SYNPR: variants seen among roughly 807,000 people sequenced by gnomAD.
SYNPR encodes synaptoporin.
Under a neutral mutation model 32.9 loss-of-function variants are expected in SYNPR, and 23 were observed. The ratio of observed to expected loss-of-function variants is 0.70; its 90% CI spans 0.50 to 0.99. SYNPR has a LOEUF of 0.99. Ranked by LOEUF, SYNPR falls within the 50% of genes least tolerant of loss-of-function variation. The pLI is 0.00. For missense variants in SYNPR, 318 were observed against 349.3 expected (o/e 0.91, Z 0.71); for synonymous variants, 146 against 135.9 (o/e 1.07, Z -0.52).
intron 2 of SYNPR, among the ~76,000 whole-genome samples, chr3:63,367,387 T>C (rs1328982457): frequency 6.7e-6 from 1 of 149,234 alleles, no homozygotes; most frequent in Admixed American, 6.7e-5. Context: ...TTAGATAAGA[T>C]CTGGCTCTAT....
At chr3:63,275,634 G>C (rs1407122037), upstream of SYNPR, among the ~76,000 whole-genome samples, 1 of 152,132 alleles carries the variant, frequency 6.6e-6, no homozygotes, top group Non-Finnish European at 1.5e-5. Flanking sequence ...CTCTTTCCCT[G>C]TATAAAGAGA....
chr3:63,423,278 T>G (rs1242877690), intron 2 of SYNPR, among the ~76,000 whole-genome samples: 2 of 152,304 alleles, frequency 1.3e-5, no homozygotes. Flanking sequence ...TGTTTGTTCA[T>G]GCTGGTGGTG....
At chr3:63,452,256 C>A in intron 2 of SYNPR, 1 of 527,008 alleles carries the variant, frequency 1.9e-6, no homozygotes, top group Non-Finnish European at 3.4e-6. Context: ...CATGGTCTCA[C>A]GTAAGACTTG....
chr3:63,551,576 C>G (rs1489802828), intron 3 of SYNPR, among the ~76,000 whole-genome samples: 1 of 152,168 alleles, frequency 6.6e-6, no homozygotes. Context: ...GCATCCTTAC[C>G]AACACTTATA....
intron 5 of SYNPR, 46 bp downstream of exon 5, chr3:63,609,362 C>T (rs1700167570): frequency 7.1e-7 from 1 of 1,416,786 alleles, no homozygotes; most frequent in Non-Finnish European, 9.3e-7. Context: ...CTTTGTTTGC[C>T]AGTCAAAATA....
chr3:63,554,455 A>T (rs761499794), intron 3 of SYNPR, among the ~76,000 whole-genome samples: 2 of 152,170 alleles, frequency 1.3e-5, no homozygotes, highest in African/African-American at 4.8e-5. Context: ...AGCACCATGT[A>T]CTGAGTAGGG....
chr3:63,397,223 T>C (rs1406189549), intron 2 of SYNPR, among the ~76,000 whole-genome samples: 1 of 152,056 alleles, frequency 6.6e-6, no homozygotes, highest in Admixed American at 6.6e-5. Context: ...ATGCAAAGTA[T>C]CTTGGGACTA....
intron 2 of SYNPR, among the ~76,000 whole-genome samples, chr3:63,340,419 ATTT>A (rs60297238): frequency 1.6e-5 from 2 of 128,508 alleles, no homozygotes; most frequent in Admixed American, 8.4e-5. Flanking sequence ...AAAAAAATGT[ATTT>A]TTTTTTTTTT....
At chr3:63,426,535 G>A (rs1010422229) in intron 2 of SYNPR, among the ~76,000 whole-genome samples, 3 of 152,180 alleles carry the variant, frequency 2.0e-5, no homozygotes, top group Non-Finnish European at 2.9e-5. Flanking sequence ...ATGCAGGCAC[G>A]TATAGGGTGG....
At chr3:63,451,622 G>A (rs1461905049) in intron 2 of SYNPR, among the ~76,000 whole-genome samples, 2 of 152,064 alleles carry the variant, frequency 1.3e-5, no homozygotes, top group East Asian at 3.9e-4. Flanking sequence ...TACAGGACCT[G>A]GACCTTGCCC....
chr3:63,476,285 G>A (rs1194196881), intron 2 of SYNPR, among the ~76,000 whole-genome samples: 1 of 48,058 alleles, frequency 2.1e-5, no homozygotes, highest in Non-Finnish European at 4.6e-5. Flanking sequence ...GGGAGGGAAG[G>A]AAGGGAAGGG....
intron 2 of SYNPR, among the ~76,000 whole-genome samples, chr3:63,313,056 T>A (rs182528687): frequency 1.4e-4 from 22 of 152,130 alleles, no homozygotes; most frequent in Admixed American, 2.6e-4. Context: ...AACAGCAACT[T>A]CATAAGGGCA....
intron 2 of SYNPR, among the ~76,000 whole-genome samples, chr3:63,331,797 T>C (rs957105686): frequency 1.3e-5 from 2 of 152,136 alleles, no homozygotes; most frequent in Non-Finnish European, 2.9e-5. Context: ...TCACACAGAA[T>C]TGGACCGTGG....
chr3:63,449,796 C>T (rs540771544), intron 2 of SYNPR, among the ~76,000 whole-genome samples: 29 of 152,182 alleles, frequency 1.9e-4, no homozygotes, highest in Non-Finnish European at 2.5e-4. Context: ...TAACACTTTA[C>T]CACATTTGTG....
At chr3:63,350,408 GCT>G (rs375434910) in intron 2 of SYNPR, among the ~76,000 whole-genome samples, 57 of 152,308 alleles carry the variant, frequency 3.7e-4, no homozygotes, top group African/African-American at 1.3e-3. Flanking sequence ...GTGATGAACA[GCT>G]CTGTCTTCTT....
chr3:63,595,965 T>TTATATATATAGTTATA (rs553008663), intron 4 of SYNPR, among the ~76,000 whole-genome samples: 1 of 105,052 alleles, frequency 9.5e-6, no homozygotes, highest in African/African-American at 3.9e-5. Flanking sequence ...ATATATAGTT[T>TTATATATATAGTTATA]TATATATAGT....
chr3:63,295,863 C>T lies in SYNPR; in HGVS notation c.84+17121C>T, dbSNP rs181702034. ...TCCCTGCCTTCCTTAACCCTGCCCCCATCTACTTATGAAACTGCAAAGCAC... is the reference window on the plus strand; with the variant it reads ...TCCCTGCCTTCCTTAACCCTGCCCCTATCTACTTATGAAACTGCAAAGCAC... On this transcript the variant is annotated intron_variant, in intron 2 of 5. Transcript: ENST00000478300. Among the ~76,000 whole-genome samples the T allele has an allele frequency of 3.3e-5, 5 of 152,316 alleles. No individual in the cohort carries two copies. In the East Asian group the frequency reaches 9.7e-4, roughly 29 times the overall value.
intron 2 of SYNPR, among the ~76,000 whole-genome samples, chr3:63,406,689 T>C (rs939171719): frequency 6.6e-6 from 1 of 152,132 alleles, no homozygotes; most frequent in African/African-American, 2.4e-5. Context: ...AAAGCTTTAT[T>C]GGATGTAGAA....
chr3:63,609,141 T>C lies in SYNPR; in HGVS notation c.425T>C (p.Val142Ala), dbSNP rs769951758. The C allele has an allele frequency of 5.6e-6, 9 of 1,609,000 alleles. No individual in the cohort carries two copies. Among genetic ancestry groups the C allele is most frequent in the Non-Finnish European group, 7.6e-6 (9 of 1,177,612 alleles). Residue 142 changes from valine (V) to alanine (A), a missense_variant, in exon 5 of 6, where the codon GTA becomes GCA. Transcript: ENST00000478300. ...RGPLIDFIVTVVFSFLWLVGS... is the reference protein window; with the variant it reads ...RGPLIDFIVTAVFSFLWLVGS... ...TTTCTGTAGGACTTCATTGTCACTG[T>C]AGTCTTTTCGTTCTTGTGGTTGGTG...
Sources: gnomAD v4.1 joint callset for allele counts (sites outside exome capture counted in the v4.1 genomes callset) on GRCh38, gnomAD v4.1.1 for gene constraint, MANE v1.5 for transcripts, NCBI Gene and HGNC (gene_info 2026-07-23, HGNC 2026-07-21) for gene names.